Variants in ST3GAL2 observed in about 807,000 individuals in gnomAD.
The protein encoded by ST3GAL2 is ST3 beta-galactoside alpha-2,3-sialyltransferase 2.
Under a neutral mutation model 37.5 loss-of-function variants are expected in ST3GAL2, and 16 were observed. The ratio of observed to expected loss-of-function variants is 0.43; its 90% confidence interval spans 0.29 to 0.65. ST3GAL2 has a LOEUF of 0.65. Among genes scored for constraint, ST3GAL2 ranks in the 30% least tolerant of loss-of-function variants. ST3GAL2 has a pLI of 0.17. For synonymous variants in ST3GAL2, 238 were observed against 202.9 expected, an observed-to-expected ratio of 1.17 and a Z score of -1.47; for missense variants, 383 against 487.8, an observed-to-expected ratio of 0.79 and a Z score of 2.02.
intron 1 of ST3GAL2, among the ~76,000 whole-genome samples, chr16:70,415,725 TA>T (rs2151671853): frequency 6.6e-6 from 1 of 151,342 alleles, no homozygotes; most frequent in South Asian, 2.1e-4. Context: ...GTGCTAGGAT[TA>T]CAGGCGTTGA....
chr16:70,384,074 C>T (rs1289968166), intron 4 of ST3GAL2, among the ~76,000 whole-genome samples: 3 of 152,102 alleles, frequency 2.0e-5, no homozygotes, highest in Non-Finnish European at 4.4e-5. Flanking sequence ...GTCTATGGTA[C>T]TTCAACTCTA....
chr16:70,382,998 C>A, intron 5 of ST3GAL2, 74 bp from the exon 6 acceptor site: 1 of 1,590,834 alleles, frequency 6.3e-7, no homozygotes, highest in Middle Eastern at 1.7e-4. Context: ...GCAGCTTCTA[C>A]TTGTCTATGC....
intron 1 of ST3GAL2, among the ~76,000 whole-genome samples, chr16:70,432,963 C>T (rs544783905): frequency 1.3e-5 from 2 of 152,356 alleles, no homozygotes; most frequent in East Asian, 1.9e-4. Context: ...CTCTGGGGCT[C>T]GGCGGCCCCA....
intron 1 of ST3GAL2, among the ~76,000 whole-genome samples, chr16:70,426,049 G>A (rs2047747542): frequency 1.3e-5 from 2 of 152,120 alleles, no homozygotes; most frequent in South Asian, 4.1e-4. Context: ...CATGCCTTTT[G>A]CTGTCTAGCC....
At chr16:70,436,212 G>A (rs2047824445) in intron 1 of ST3GAL2, among the ~76,000 whole-genome samples, 1 of 152,016 alleles carries the variant, frequency 6.6e-6, no homozygotes, top group Admixed American at 6.6e-5. Context: ...CGGATCACCT[G>A]AGGTCAGGAG....
At chr16:70,425,842 G>A (rs1437077881) in intron 1 of ST3GAL2, among the ~76,000 whole-genome samples, 3 of 152,356 alleles carry the variant, frequency 2.0e-5, no homozygotes, top group Non-Finnish European at 2.9e-5. Flanking sequence ...GAAGTGGTCC[G>A]GGTACTGACG....
Position 70,431,662 on chromosome 16 carries a change from T to TAAAA in ST3GAL2, c.-1004+7283_-1004+7286dup, listed in dbSNP as rs60739243. Among the ~76,000 whole-genome samples the TAAAA allele has an allele frequency of 5.7e-5, 8 of 139,376 alleles. 1 individual carries two copies. Among genetic ancestry groups the TAAAA allele is most frequent in the Middle Eastern group, 3.8e-3 (1 of 262 alleles). The allele number at this position is 139,376 out of a possible 152,430, so 91.4% of individuals were successfully genotyped here. ...AAACACAGCAAAACTCCCATCTCTT[T>TAAAA]AAAAAAAAAAAAAAAAATTGGCCAG... On this transcript the variant is annotated intron_variant, in intron 1 of 6. Coordinates refer to ENST00000342907, the MANE Select transcript of ST3GAL2 (RefSeq NM_006927.4).
At chr16:70,394,890 G>C in intron 3 of ST3GAL2, 92 bp downstream of exon 3, 1 of 1,428,612 alleles carries the variant, frequency 7.0e-7, no homozygotes, top group Non-Finnish European at 9.5e-7. Context: ...CCGGTAGCTG[G>C]CAGCATGCAC....
chr16:70,436,156 G>A (rs1388561651), intron 1 of ST3GAL2, among the ~76,000 whole-genome samples: 12 of 150,126 alleles, frequency 8.0e-5, no homozygotes, highest in South Asian at 4.2e-4. Context: ...GGCCAGGAGC[G>A]GTGACTCACG....
At chr16:70,405,158 T>C (rs1209478286) in intron 1 of ST3GAL2, among the ~76,000 whole-genome samples, 1 of 152,076 alleles carries the variant, frequency 6.6e-6, no homozygotes, top group Non-Finnish European at 1.5e-5. Context: ...GGTATATCCA[T>C]ACAAGGGAGT....
At chr16:70,424,136 G>T (rs370384634) in intron 1 of ST3GAL2, among the ~76,000 whole-genome samples, 7 of 150,616 alleles carry the variant, frequency 4.6e-5, no homozygotes, top group Admixed American at 1.3e-4. Flanking sequence ...ACAGGCATGC[G>T]CCATGACGCC....
At chr16:70,388,133 C>A (rs894246073) in intron 4 of ST3GAL2, among the ~76,000 whole-genome samples, 131 of 148,880 alleles carry the variant, frequency 8.8e-4, no homozygotes, top group African/African-American at 2.9e-3. Flanking sequence ...AAAAAACAAA[C>A]AAAAAAACAG....
intron 1 of ST3GAL2, among the ~76,000 whole-genome samples, chr16:70,436,330 G>A (rs533613738): frequency 6.6e-6 from 1 of 151,574 alleles, no homozygotes; most frequent in South Asian, 2.1e-4. Flanking sequence ...TGTCACCCCA[G>A]GAAGGGGTGG....
At chr16:70,414,621 C>A (rs941650401) in intron 1 of ST3GAL2, among the ~76,000 whole-genome samples, 1 of 152,190 alleles carries the variant, frequency 6.6e-6, no homozygotes, top group African/African-American at 2.4e-5. Flanking sequence ...AAATTCTAGT[C>A]TAGACTGTTA....
At chr16:70,424,033 G>C (rs2047733747) in intron 1 of ST3GAL2, among the ~76,000 whole-genome samples, 1 of 151,940 alleles carries the variant, frequency 6.6e-6, no homozygotes, top group South Asian at 2.1e-4. Flanking sequence ...ACTCCAGCCT[G>C]GGTGACAGAG....
intron 1 of ST3GAL2, among the ~76,000 whole-genome samples, chr16:70,417,158 C>T (rs940815286): frequency 3.3e-5 from 5 of 152,194 alleles, no homozygotes; most frequent in African/African-American, 9.7e-5. Context: ...TAAAGGCACA[C>T]ATAAAGCTCT....
chr16:70,398,355 C>G lies in ST3GAL2; in HGVS notation c.176G>C (p.Arg59Pro), dbSNP rs777304056. ...KLVPGYAGLQ[R>P]LSKERLSGKS... is the part of the protein sequence containing the mutation. ...GCCCGAGAGCCTCTCCTTGCTGAGG[C>G]GCTGCAGGCCGGCATAGCCGGGCAC... is the stretch of plus-strand genomic sequence containing the variant. Residue 59 changes from arginine (R) to proline (P), a missense_variant, in exon 2 of 7, where the codon CGC becomes CCC. Arg to Pro is a moderately radical substitution (Grantham distance 103, BLOSUM62 -2). Around this residue, in one of 2 missense-constraint regions of ST3GAL2, gnomAD observed 223 missense variants for 239.1 expected, o/e 0.93. Transcript: ENST00000342907. 6.2e-7 allele frequency: 1 copy of G among 1,613,346 alleles called. No individual in the cohort carries two copies. The highest frequency in any genetic ancestry group is 1.1e-5 in the South Asian group (1 of 91,090).
In ST3GAL2 at chr16:70,381,498, A is replaced by G. The variant is rs1273268978; in HGVS notation, c.*191T>C. 1.2e-5 allele frequency: 8 copies of G among 653,362 alleles called. No individual in the cohort carries two copies. Among genetic ancestry groups the G allele is most frequent in the South Asian group, 1.0e-4 (5 of 49,866 alleles). The allele number at this position is 653,362 out of a possible 1,614,324, so 40.5% of individuals were successfully genotyped here. ...CTTGAGTCACATGATTGGCTGGGAGAAACAGAAGCTCCGCCCGACCGCAGC... is the reference window on the plus strand; with the variant it reads ...CTTGAGTCACATGATTGGCTGGGAGGAACAGAAGCTCCGCCCGACCGCAGC... On this transcript the variant is annotated 3_prime_UTR_variant, in exon 7 of 7. Coordinates refer to ENST00000342907, the MANE Select transcript of ST3GAL2 (RefSeq NM_006927.4).
chr16:70,397,232 G>A (rs1277014674), intron 2 of ST3GAL2, among the ~76,000 whole-genome samples: 5 of 150,526 alleles, frequency 3.3e-5, no homozygotes, highest in African/African-American at 9.7e-5. Flanking sequence ...TAGTAGAGAC[G>A]GGGTTTCACC....
Sources: allele counts gnomAD v4.1 joint callset (sites outside exome capture counted in the v4.1 genomes callset), GRCh38; gene constraint gnomAD v4.1.1; regional missense constraint gnomAD v4.1.1; transcripts MANE v1.5; gene names NCBI Gene and HGNC (gene_info 2026-07-23, HGNC 2026-07-21).